Variants in PDE10A observed in about 807,000 individuals in gnomAD.
The protein encoded by PDE10A is cAMP and cAMP-inhibited cGMP 3',5'-cyclic phosphodiesterase 10A.
In PDE10A, 39 loss-of-function variants were observed where a neutral mutation model predicts 97.7. The observed-to-expected ratio is 0.40, with a 90% CI of 0.31 to 0.52. PDE10A has a LOEUF of 0.52. Among genes scored for constraint, PDE10A ranks in the 20% least tolerant of loss-of-function variants. The probability of loss-of-function intolerance (pLI) is 0.56; values close to 1 mark genes in which losing one functional copy is unlikely to be tolerated. For missense variants in PDE10A, 731 were observed against 1,047.8 expected (o/e 0.70, Z 4.17); for synonymous variants, 371 against 376.8 (o/e 0.98, Z 0.18).
intron 13 of PDE10A, among the ~76,000 whole-genome samples, chr6:165,401,227 T>C (rs547678641): frequency 6.6e-6 from 1 of 152,284 alleles, no homozygotes; most frequent in African/African-American, 2.4e-5. Context: ...GGTATAGATG[T>C]CATAATTTGT....
chr6:165,927,097 G>A (rs943837227), intron 1 of PDE10A, among the ~76,000 whole-genome samples: 1 of 151,944 alleles, frequency 6.6e-6, no homozygotes, highest in East Asian at 1.9e-4. Context: ...GGCTAGGGGA[G>A]GGATAGCATT....
chr6:165,354,613 A>T (rs1347510994), intron 18 of PDE10A, among the ~76,000 whole-genome samples: 1 of 152,236 alleles, frequency 6.6e-6, no homozygotes, highest in Non-Finnish European at 1.5e-5. Context: ...CCATCTGCAG[A>T]CTTCAGATGG....
intron 13 of PDE10A, chr6:165,409,732 G>T (rs116329182): frequency 6.6e-6 from 1 of 152,144 alleles, no homozygotes; most frequent in Non-Finnish European, 1.5e-5. Flanking sequence ...GTCACTGTTG[G>T]AGAAAACCAC....
chr6:165,733,928 C>T (rs890104450), intron 1 of PDE10A, among the ~76,000 whole-genome samples: 1 of 151,886 alleles, frequency 6.6e-6, no homozygotes, highest in East Asian at 1.9e-4. Context: ...TATGGTTACA[C>T]CTAGGATCCA....
In PDE10A at chr6:165,655,510, A is replaced by AC. The variant is rs1409619878; in HGVS notation, c.865+6436dup. On this transcript the variant is annotated intron_variant, in intron 1 of 21. Transcript: ENST00000539869. This position sits in a 1 kb window ranked among gnomAD's most constrained non-coding sequence, Gnocchi z 4.5. ...CCCTTGACGTCCCCATATCCAACCC[A>AC]CCTGCAGGTCTTATACACGCCACCT... 8.0e-6 allele frequency among the ~76,000 whole-genome samples: 1 copy of AC among 124,242 alleles called. No homozygotes were observed. Among genetic ancestry groups the AC allele is most frequent in the Non-Finnish European group, 1.7e-5 (1 of 60,282 alleles). 81.5% of individuals were successfully genotyped at this position (124,242 alleles called of 152,430 possible).
chr6:165,872,103 A>G (rs1243099593), intron 1 of PDE10A, among the ~76,000 whole-genome samples: 2 of 152,214 alleles, frequency 1.3e-5, no homozygotes, highest in African/African-American at 2.4e-5. Context: ...GAGGGTGGCC[A>G]CAGAGCCAGT....
At chr6:165,511,793 T>C (rs997718931) in intron 2 of PDE10A, among the ~76,000 whole-genome samples, 1 of 152,042 alleles carries the variant, frequency 6.6e-6, no homozygotes, top group African/African-American at 2.4e-5. Context: ...TCTTTATGGT[T>C]TTTTACTTAA....
chr6:165,899,490 T>C (rs955859280), intron 1 of PDE10A, among the ~76,000 whole-genome samples: 6 of 152,356 alleles, frequency 3.9e-5, no homozygotes, highest in South Asian at 2.1e-4. Flanking sequence ...AGACTGTCAC[T>C]GCATCTACCT....
intron 1 of PDE10A, among the ~76,000 whole-genome samples, chr6:165,674,870 G>A (rs1166598362): frequency 3.3e-5 from 5 of 152,134 alleles, no homozygotes; most frequent in Non-Finnish European, 1.5e-5. Flanking sequence ...AAAGCTGGAA[G>A]TTTTTGTTGT....
intron 1 of PDE10A, among the ~76,000 whole-genome samples, chr6:165,746,913 A>G (rs1425056508): frequency 6.6e-6 from 1 of 152,270 alleles, no homozygotes; most frequent in African/African-American, 2.4e-5. Flanking sequence ...ATTTTGGGAT[A>G]TTAATATATC....
chr6:165,565,582 T>C (rs1784735908), intron 1 of PDE10A, among the ~76,000 whole-genome samples: 1 of 152,104 alleles, frequency 6.6e-6, no homozygotes, highest in South Asian at 2.1e-4. Flanking sequence ...GAAAACTGAT[T>C]AAAGTTTATA....
chr6:165,335,966 G>C (rs1241994815), intron 21 of PDE10A, among the ~76,000 whole-genome samples, 157 bp downstream of exon 21: 1 of 152,218 alleles, frequency 6.6e-6, no homozygotes, highest in Non-Finnish European at 1.5e-5. Flanking sequence ...TCGTGGCCCT[G>C]GGGAAGCCAG....
chr6:165,870,272 C>T (rs1000809493), intron 1 of PDE10A, among the ~76,000 whole-genome samples: 1 of 152,024 alleles, frequency 6.6e-6, no homozygotes, highest in Non-Finnish European at 1.5e-5. Flanking sequence ...CAAGCAATTC[C>T]ATTAAAAAGT....
intron 1 of PDE10A, among the ~76,000 whole-genome samples, chr6:165,766,282 T>A (rs1777848758): frequency 6.6e-6 from 1 of 152,250 alleles, no homozygotes; most frequent in African/African-American, 2.4e-5. Context: ...TACTTGAAAT[T>A]AAGCGTTTAG....
In PDE10A at chr6:165,404,970, C is replaced by T. The variant is rs924368956; in HGVS notation, c.2077-8511G>A. ...TTTAAAACACTTTCTTAAAGACAGG[C>T]CCAAGCACCTACTGTCTATGGCACC... On this transcript the variant is annotated intron_variant, in intron 13 of 21. Coordinates refer to ENST00000539869, the MANE Select transcript of PDE10A (RefSeq NM_001385079.1). Among the ~76,000 whole-genome samples the T allele has an allele frequency of 2.0e-5, 3 of 152,014 alleles. No individual in the cohort carries two copies. The East Asian group carries it at 5.8e-4, about 29-fold the overall frequency.
At chr6:165,928,274 T>C (rs1454510373) in intron 1 of PDE10A, among the ~76,000 whole-genome samples, 2 of 152,150 alleles carry the variant, frequency 1.3e-5, no homozygotes, top group Non-Finnish European at 2.9e-5. Context: ...GATCTTAAAG[T>C]TACCTTGCAT....
intron 1 of PDE10A, among the ~76,000 whole-genome samples, chr6:165,586,578 G>T (rs1166186754): frequency 6.6e-6 from 1 of 152,118 alleles, no homozygotes; most frequent in African/African-American, 2.4e-5. Context: ...AATTAAAAAT[G>T]TTAATAATAT....
At chr6:165,559,581 A>T (rs1327045429) in intron 1 of PDE10A, among the ~76,000 whole-genome samples, 1 of 152,214 alleles carries the variant, frequency 6.6e-6, no homozygotes, top group Non-Finnish European at 1.5e-5. Context: ...TCTTTATTCA[A>T]ATCATCAAGA....
rs1785304379 is a variant in PDE10A, at chr6:165,576,353, C to A, written c.866-32785G>T. Reference sequence around the variant, plus strand: ...AGAGCTATAGAGTACTAGTTTGCTTCCTGTCTATCTGAATGTCCCTTCTAA... The same window carrying A: ...AGAGCTATAGAGTACTAGTTTGCTTACTGTCTATCTGAATGTCCCTTCTAA... On this transcript the variant is annotated intron_variant, in intron 1 of 21. Transcript: ENST00000539869. The A allele has an allele frequency of 6.0e-5, 47 of 778,104 alleles. No individual in the cohort carries two copies. In the South Asian group the frequency reaches 6.3e-4, roughly 10 times the overall value. The allele number at this position is 778,104 out of a possible 1,614,324, so 48.2% of individuals were successfully genotyped here. A position where few individuals can be genotyped will look rare whatever the true frequency, so the allele number is the denominator to read the frequency against.
Sources: allele counts gnomAD v4.1 joint callset (sites outside exome capture counted in the v4.1 genomes callset), GRCh38; gene constraint gnomAD v4.1.1; non-coding constraint Gnocchi (gnomAD v3.1); transcripts MANE v1.5; gene names NCBI Gene and HGNC (gene_info 2026-07-23, HGNC 2026-07-21).